FMNL3: variants seen among roughly 807,000 people sequenced by gnomAD.
FMNL3 encodes the protein formin-like protein 3.
Under a neutral mutation model 119.6 loss-of-function variants are expected in FMNL3, and 57 were observed. The ratio of observed to expected loss-of-function variants is 0.48; its 90% confidence interval spans 0.39 to 0.59. The LOEUF (loss-of-function observed/expected upper bound fraction) is 0.59, where lower values mean the gene tolerates loss of function less well. FMNL3 is among the 20% of genes least tolerant of loss of function. The probability of loss-of-function intolerance (pLI) is 0.00; values close to 1 mark genes in which losing one functional copy is unlikely to be tolerated. For missense variants in FMNL3, 1,053 were observed against 1,323.5 expected, an observed-to-expected ratio of 0.80 and a Z score of 3.17; for synonymous variants, 491 against 507.3, an observed-to-expected ratio of 0.97 and a Z score of 0.43.
intron 1 of FMNL3, among the ~76,000 whole-genome samples, chr12:49,675,746 A>C (rs1235259758): frequency 1.3e-5 from 2 of 152,226 alleles, no homozygotes; most frequent in Admixed American, 6.5e-5. Flanking sequence ...ACTTCCAAGC[A>C]CATAAGATAA....
At chr12:49,652,524 C>T (rs1263422280) in intron 13 of FMNL3, among the ~76,000 whole-genome samples, 6 of 152,184 alleles carry the variant, frequency 3.9e-5, no homozygotes, top group Admixed American at 1.3e-4. Context: ...AATCTACCAC[C>T]GGTCTGACAT....
rs894454480 is a variant in FMNL3 at position 49,648,066 on chromosome 12, T to G, written c.2676+127A>C. ...CAGCTGCCTGGCACTCCCAAAGCGC[T>G]CTCTCTCCCCTACATGTAGCCAGCC... On this transcript the variant is annotated intron_variant, in intron 22 of 25. Transcript: ENST00000335154. The G allele has an allele frequency of 2.1e-5, 26 of 1,232,272 alleles. No homozygotes were observed. The African/African-American group carries it at 3.3e-4, about 16-fold the overall frequency. The allele number at this position is 1,232,272 out of a possible 1,614,324, so 76.3% of individuals were successfully genotyped here.
chr12:49,672,029 T>C (rs912285568), intron 1 of FMNL3, among the ~76,000 whole-genome samples: 2 of 152,178 alleles, frequency 1.3e-5, no homozygotes, highest in African/African-American at 4.8e-5. Flanking sequence ...AAATATTTTA[T>C]GTCTGTATGT....
At chr12:49,696,247 C>T (rs1944747103) in intron 1 of FMNL3, among the ~76,000 whole-genome samples, 1 of 152,142 alleles carries the variant, frequency 6.6e-6, no homozygotes, top group Non-Finnish European at 1.5e-5. Flanking sequence ...TATGTAAATA[C>T]AGTTGTCCCT....
intron 1 of FMNL3, among the ~76,000 whole-genome samples, chr12:49,690,328 G>T (rs1325408669): frequency 1.3e-5 from 2 of 152,078 alleles, no homozygotes; most frequent in African/African-American, 4.8e-5. Context: ...AATCATGAAA[G>T]AAAAGAAAAT....
At position 49,637,218 on chromosome 12, in the gene FMNL3, TTC is replaced by T. The variant is rs1443477603; in HGVS notation, c.*8595_*8596del. 7.0e-6 allele frequency: 4 copies of T among 568,874 alleles called. No homozygotes were observed. The highest frequency in any genetic ancestry group is 1.3e-5 in the Non-Finnish European group (4 of 319,804). 35.2% of individuals were successfully genotyped at this position (568,874 alleles called of 1,614,324 possible). A position where few individuals can be genotyped will look rare whatever the true frequency, so the allele number is the denominator to read the frequency against. On this transcript the variant is annotated 3_prime_UTR_variant, in exon 26 of 26. Transcript: ENST00000335154. ...GTGCTAGGGGTTACTGCAGGCAGGTTTCTGTTTCTTTGCATCCCGGGACTGGC... is the reference window on the plus strand; with the variant it reads ...GTGCTAGGGGTTACTGCAGGCAGGTTTGTTTCTTTGCATCCCGGGACTGGC...
At chr12:49,671,395 T>C (rs1318297517) in intron 1 of FMNL3, among the ~76,000 whole-genome samples, 1 of 152,262 alleles carries the variant, frequency 6.6e-6, no homozygotes, top group East Asian at 1.9e-4. Context: ...GGTGGCACTT[T>C]CTTGACAGTG....
intron 1 of FMNL3, among the ~76,000 whole-genome samples, chr12:49,692,189 C>A (rs572002992): frequency 1.6e-4 from 24 of 151,638 alleles, no homozygotes; most frequent in Admixed American, 6.6e-5. Context: ...CCTGTCTATT[C>A]AAAAAATACA....
At chr12:49,671,726 G>A (rs1039985176) in intron 1 of FMNL3, among the ~76,000 whole-genome samples, 3 of 152,166 alleles carry the variant, frequency 2.0e-5, no homozygotes, top group East Asian at 1.9e-4. Flanking sequence ...ACACAGTTCC[G>A]GTCTCAGTCA....
At chr12:49,648,911 G>A in intron 21 of FMNL3, 118 bp downstream of exon 21, 1 of 1,447,376 alleles carries the variant, frequency 6.9e-7, no homozygotes, top group Non-Finnish European at 9.2e-7. Flanking sequence ...GAAGTGGTCA[G>A]AAAGAAGATA....
chr12:49,698,689 C>G (rs897717277), intron 1 of FMNL3, among the ~76,000 whole-genome samples: 2 of 152,108 alleles, frequency 1.3e-5, no homozygotes, highest in African/African-American at 4.8e-5. Flanking sequence ...GAGGCAAAGA[C>G]AACAAGAGTA....
intron 1 of FMNL3, among the ~76,000 whole-genome samples, chr12:49,697,213 A>T (rs969443559): frequency 1.3e-5 from 2 of 152,168 alleles, no homozygotes; most frequent in African/African-American, 4.8e-5. Context: ...CTGCCACTTG[A>T]TGAGTTTTAG....
At chr12:49,658,642 G>T (rs1943647160) in intron 5 of FMNL3, 48 bp from the exon 6 acceptor site, 1 of 1,520,794 alleles carries the variant, frequency 6.6e-7, no homozygotes, top group Non-Finnish European at 8.9e-7. Context: ...ACATACACAG[G>T]AGAAATTCAG....
chr12:49,650,418 G>T (rs1943359913), intron 17 of FMNL3, among the ~76,000 whole-genome samples: 1 of 152,174 alleles, frequency 6.6e-6, no homozygotes, highest in South Asian at 2.1e-4. Flanking sequence ...TCCCAAAGCT[G>T]CCTGTATACT....
At chr12:49,651,028 G>T in intron 16 of FMNL3, 140 bp downstream of exon 16, 1 of 1,446,368 alleles carries the variant, frequency 6.9e-7, no homozygotes, top group Admixed American at 1.8e-5. Context: ...AGAAATATAC[G>T]TACACTCAAG....
At position 49,664,897 on chromosome 12, in the gene FMNL3, C is replaced by T. The variant is rs537244067; in HGVS notation, c.368+935G>A. Reference sequence around the variant, plus strand: ...GGCTAATGATGTCATTTGGCTGTCTCTAACCCCCTGTCAGGAAGCCTGGGC... The same window carrying T: ...GGCTAATGATGTCATTTGGCTGTCTTTAACCCCCTGTCAGGAAGCCTGGGC... On this transcript the variant is annotated intron_variant, in intron 4 of 25. Transcript: ENST00000335154. Among the ~76,000 whole-genome samples the T allele has an allele frequency of 7.8e-4, 119 of 152,226 alleles. 1 individual carries two copies. Among genetic ancestry groups the T allele is most frequent in the Non-Finnish European group, 1.4e-3 (96 of 67,992 alleles).
At chr12:49,668,035 C>A (rs1414361211) in intron 2 of FMNL3, among the ~76,000 whole-genome samples, 1 of 152,218 alleles carries the variant, frequency 6.6e-6, no homozygotes, top group Non-Finnish European at 1.5e-5. Flanking sequence ...GACCTTGACT[C>A]TTCTGAGATT....
Position 49,638,336 on chromosome 12 carries a change from C to G in FMNL3, c.*7479G>C, listed in dbSNP as rs1565841167. 2 of 153,972 alleles carry G rather than the reference C, an allele frequency of 1.3e-5. No individual in the cohort carries two copies. Among genetic ancestry groups the G allele is most frequent in the African/African-American group, 4.8e-5 (2 of 41,462 alleles). The allele number at this position is 153,972 out of a possible 1,614,324, so 9.5% of individuals were successfully genotyped here. ...CATAGAAAATCTGAATCTTTAGCTTCTCTTGTCAATATGGATTATCTAGCA... is the reference window on the plus strand; with the variant it reads ...CATAGAAAATCTGAATCTTTAGCTTGTCTTGTCAATATGGATTATCTAGCA... On this transcript the variant is annotated 3_prime_UTR_variant, in exon 26 of 26. Transcript: ENST00000335154.
chr12:49,688,767 G>A, intron 1 of FMNL3: 1 of 262,304 alleles, frequency 3.8e-6, no homozygotes, highest in East Asian at 8.4e-5. Context: ...TGCTTGGCCT[G>A]GATAATTAGC....
Sources: allele counts gnomAD v4.1 joint callset (sites outside exome capture counted in the v4.1 genomes callset), GRCh38; gene constraint gnomAD v4.1.1; transcripts MANE v1.5; gene names NCBI Gene and HGNC (gene_info 2026-07-23, HGNC 2026-07-21).